Variants in PITPNA observed in about 807,000 individuals in gnomAD.
PITPNA encodes phosphatidylinositol transfer protein alpha.
Under a neutral mutation model 50.3 loss-of-function variants are expected in PITPNA, and 13 were observed. The ratio of observed to expected loss-of-function variants is 0.26; its 90% CI spans 0.17 to 0.41. The LOEUF is 0.41. Ranked by LOEUF, PITPNA falls within the 10% of genes least tolerant of loss-of-function variation. The pLI is 1.00. For synonymous variants in PITPNA, 120 were observed against 119.6 expected, an observed-to-expected ratio of 1.00 and a Z score of -0.02; for missense variants, 207 against 333.4, an observed-to-expected ratio of 0.62 and a Z score of 2.95.
At chr17:1,528,787 T>C (rs2075562653) in intron 10 of PITPNA, among the ~76,000 whole-genome samples, 1 of 151,076 alleles carries the variant, frequency 6.6e-6, no homozygotes, top group South Asian at 2.1e-4. Flanking sequence ...TAATTGGGGA[T>C]GTTGGCTGAT....
At chr17:1,547,885 T>A (rs1335864242) in intron 4 of PITPNA, among the ~76,000 whole-genome samples, 1 of 151,954 alleles carries the variant, frequency 6.6e-6, no homozygotes, top group African/African-American at 2.4e-5. Context: ...TCCCAGCTAC[T>A]CGGGAGGCTG....
At position 1,518,825 on chromosome 17, in the gene PITPNA, A is replaced by AT. The variant is rs2075490794; in HGVS notation, c.*1735dup. On this transcript the variant is annotated 3_prime_UTR_variant, in exon 12 of 12. Coordinates refer to ENST00000313486, the MANE Select transcript of PITPNA (RefSeq NM_006224.4). ...ACAGAGCTTATAGGAAAACACTGAC[A>AT]TTTTTCTCCAGTAGGAATGCCTCTT... 2 of 152,236 alleles carry AT rather than the reference A, an allele frequency of 1.3e-5. No homozygotes were observed. Among genetic ancestry groups the AT allele is most frequent in the South Asian group, 4.1e-4 (2 of 4,832 alleles). 9.4% of individuals were successfully genotyped at this position (152,236 alleles called of 1,614,324 possible).
chr17:1,539,257 G>A (rs562945236), intron 6 of PITPNA, among the ~76,000 whole-genome samples: 1 of 151,880 alleles, frequency 6.6e-6, no homozygotes, highest in East Asian at 1.9e-4. Flanking sequence ...TGATCCTCCT[G>A]CCTCAGCCTC....
chr17:1,521,534 G>A, intron 11 of PITPNA, 45 bp downstream of exon 11: 2 of 1,401,778 alleles, frequency 1.4e-6, no homozygotes, highest in African/African-American at 2.8e-5. Flanking sequence ...AACCCAAACT[G>A]ATTTTAGCGT....
At chr17:1,544,815 G>A (rs1039544202) in intron 4 of PITPNA, among the ~76,000 whole-genome samples, 8 of 152,274 alleles carry the variant, frequency 5.3e-5, no homozygotes, top group Admixed American at 4.6e-4. Flanking sequence ...GCGCATGCCT[G>A]TAATCCCAGG....
intron 2 of PITPNA, 136 bp from the exon 3 acceptor site, chr17:1,553,285 A>G (rs1405636877): frequency 2.1e-6 from 2 of 943,136 alleles, no homozygotes; most frequent in Non-Finnish European, 3.2e-6. Context: ...GTTTCACATC[A>G]GGCCTTGCCC....
intron 10 of PITPNA, among the ~76,000 whole-genome samples, chr17:1,526,439 C>T (rs2151002826): frequency 6.6e-6 from 1 of 152,352 alleles, no homozygotes; most frequent in Middle Eastern, 3.4e-3. Context: ...TACAGGAGTT[C>T]TTGGCACTGT....
chr17:1,551,916 C>T (rs532102493), intron 3 of PITPNA, among the ~76,000 whole-genome samples: 17 of 150,624 alleles, frequency 1.1e-4, no homozygotes, highest in African/African-American at 4.2e-4. Context: ...TGAGACTCCT[C>T]CCCGCTGGAC....
chr17:1,523,747 G>A (rs1454734174), intron 10 of PITPNA, among the ~76,000 whole-genome samples: 5 of 152,118 alleles, frequency 3.3e-5, no homozygotes, highest in East Asian at 1.9e-4. Flanking sequence ...CTAACCTCAC[G>A]ATCTGCCTGC....
chr17:1,521,516 G>C lies in PITPNA; in HGVS notation c.*22+63C>G. On this transcript the variant is annotated intron_variant, in intron 11 of 11. Coordinates refer to ENST00000313486, the MANE Select transcript of PITPNA (RefSeq NM_006224.4). ...TTCTGACTCCATAGTGAGCTGCTGA[G>C]GCCTTGAAACCCAAACTGATTTTAG... is the stretch of plus-strand genomic sequence containing the variant. The C allele has an allele frequency of 2.7e-6, 3 of 1,111,050 alleles. No homozygotes were observed. The South Asian group carries it at 3.7e-5, about 14-fold the overall frequency. The allele number at this position is 1,111,050 out of a possible 1,614,324, so 68.8% of individuals were successfully genotyped here. A position where few individuals can be genotyped will look rare whatever the true frequency, so the allele number is the denominator to read the frequency against.
At chr17:1,535,970 A>G in intron 7 of PITPNA, 2 of 179,588 alleles carry the variant, frequency 1.1e-5, no homozygotes, top group South Asian at 2.3e-4. Context: ...AAATACAGCC[A>G]GCGCTCAGAA....
chr17:1,548,401 A>G lies in PITPNA; in HGVS notation c.198-14T>C. 1 of 1,558,858 alleles carries G rather than the reference A, an allele frequency of 6.4e-7. No individual in the cohort carries two copies. The highest frequency in any genetic ancestry group is 8.8e-7 in the Non-Finnish European group (1 of 1,141,046). ...GTGGGTACTTTGCTATAGCGGGGAA[A>G]AAAAGGGGTATAAAGAGAAATGGTA... On this transcript the variant is annotated splice_polypyrimidine_tract_variant and intron_variant, in intron 3 of 11. Coordinates refer to ENST00000313486, the MANE Select transcript of PITPNA (RefSeq NM_006224.4).
At chr17:1,557,248 T>A (rs2075739706) in intron 2 of PITPNA, among the ~76,000 whole-genome samples, 1 of 151,914 alleles carries the variant, frequency 6.6e-6, no homozygotes, top group South Asian at 2.1e-4. Flanking sequence ...CTGGAGGCAG[T>A]CCTCTAAAGG....
intron 2 of PITPNA, among the ~76,000 whole-genome samples, chr17:1,556,180 T>C (rs2075734052): frequency 6.6e-6 from 1 of 152,178 alleles, no homozygotes; most frequent in African/African-American, 2.4e-5. Flanking sequence ...CTCCAAGATT[T>C]TTCTAATTCT....
intron 10 of PITPNA, among the ~76,000 whole-genome samples, chr17:1,532,104 T>G (rs2075586549): frequency 6.6e-6 from 1 of 152,140 alleles, no homozygotes; most frequent in African/African-American, 2.4e-5. Flanking sequence ...CTTTTTTTCC[T>G]TGAGACGGAG....
intron 10 of PITPNA, among the ~76,000 whole-genome samples, chr17:1,531,299 A>G (rs535560148): frequency 7.3e-4 from 111 of 152,214 alleles, no homozygotes; most frequent in African/African-American, 2.6e-3. Flanking sequence ...CTCCGTGAAA[A>G]AAAGACTCGA....
At chr17:1,559,737 G>A (rs1468168004) in intron 1 of PITPNA, 17 of 981,662 alleles carry the variant, frequency 1.7e-5, no homozygotes, top group Middle Eastern at 1.0e-3. Context: ...GACACAGAGG[G>A]GTCTGAGGAA....
Position 1,562,550 on chromosome 17 carries a change from A to G in PITPNA, c.11T>C (p.Leu4Pro). 7.1e-7 allele frequency: 1 copy of G among 1,402,260 alleles called. No homozygotes were observed. The highest frequency in any genetic ancestry group is 1.5e-5 in the African/African-American group (1 of 67,216). 86.9% of individuals were successfully genotyped at this position (1,402,260 alleles called of 1,614,324 possible). MVL[L>P]KEYRVILPVS... ...GCCGCCGGACACTCACTACTCCTTG[A>G]GCAGCACCATGTCGCTTCGCGGCTC... The change falls in exon 1 of 12, where the codon CTC becomes CCC. Residue 4 changes from leucine to proline, a missense_variant. Leu to Pro is a moderately conservative substitution (Grantham distance 98). Coordinates refer to ENST00000313486, the MANE Select transcript of PITPNA (RefSeq NM_006224.4). The surrounding 1 kb of genome is among the most constrained non-coding windows in gnomAD (Gnocchi z 6.4).
intron 4 of PITPNA, 59 bp downstream of exon 4, chr17:1,548,237 G>T: frequency 8.9e-7 from 1 of 1,126,814 alleles, no homozygotes; most frequent in Non-Finnish European, 1.3e-6. Context: ...ACACGCAGGT[G>T]GGACCCACAG....
Sources: gnomAD v4.1 joint callset for allele counts (sites outside exome capture counted in the v4.1 genomes callset) on GRCh38, gnomAD v4.1.1 for gene constraint, Gnocchi (gnomAD v3.1) non-coding constraint, MANE v1.5 for transcripts, NCBI Gene and HGNC (gene_info 2026-07-23, HGNC 2026-07-21) for gene names.